Variants in SLC39A9 observed in about 807,000 individuals in gnomAD.
SLC39A9 encodes the protein zinc transporter ZIP9.
A neutral mutation model predicts 28.4 loss-of-function variants in SLC39A9; 14 were observed. The ratio of observed to expected loss-of-function variants is 0.49; its 90% CI spans 0.33 to 0.77. SLC39A9 has a LOEUF of 0.77. SLC39A9 is among the 30% of genes least tolerant of loss of function. SLC39A9 has a pLI of 0.02. For missense variants in SLC39A9, 283 were observed against 381.1 expected (o/e 0.74, Z 2.14); for synonymous variants, 119 against 149.6 (o/e 0.80, Z 1.49).
chr14:69,413,149 G>A (rs907776687), intron 1 of SLC39A9, among the ~76,000 whole-genome samples: 1 of 152,176 alleles, frequency 6.6e-6, no homozygotes, highest in African/African-American at 2.4e-5. Flanking sequence ...AAGGTCAGGA[G>A]ATCGAGACCA....
At chr14:69,421,119 G>A (rs757947815) in intron 1 of SLC39A9, among the ~76,000 whole-genome samples, 1 of 152,212 alleles carries the variant, frequency 6.6e-6, no homozygotes, top group Non-Finnish European at 1.5e-5. Context: ...GTTTCTCCCT[G>A]TATTTGTGGT....
At position 69,460,243 on chromosome 14, in the gene SLC39A9, A is replaced by T. The variant is rs1167224407; in HGVS notation, c.*1650A>T. ...TGACGCATAAGCTAGCATGCCTATG[A>T]TTTATTTCCTTCATGAATTTGTCAC... On this transcript the variant is annotated 3_prime_UTR_variant, in exon 7 of 7. Coordinates refer to ENST00000336643, the MANE Select transcript of SLC39A9 (RefSeq NM_018375.5). 2.0e-6 allele frequency: 2 copies of T among 985,744 alleles called. No homozygotes were observed. Among genetic ancestry groups the T allele is most frequent in the Non-Finnish European group, 2.4e-6 (2 of 829,946 alleles). The allele number at this position is 985,744 out of a possible 1,614,324, so 61.1% of individuals were successfully genotyped here.
chr14:69,403,536 C>T (rs866351808), intron 1 of SLC39A9, among the ~76,000 whole-genome samples: 1 of 152,000 alleles, frequency 6.6e-6, no homozygotes, highest in East Asian at 1.9e-4. Flanking sequence ...CATACCAATA[C>T]ACTTATAAAA....
Position 69,461,444 on chromosome 14 carries a change from A to G in SLC39A9, c.*2851A>G. On this transcript the variant is annotated 3_prime_UTR_variant, in exon 7 of 7. Transcript: ENST00000336643. ...TTTTTTAGCAAAGATTCTGCACTGGAACGTAGACAGTTGGAAACAGTACTA... is the reference window on the plus strand; with the variant it reads ...TTTTTTAGCAAAGATTCTGCACTGGGACGTAGACAGTTGGAAACAGTACTA... The G allele has an allele frequency of 7.5e-7, 1 of 1,338,654 alleles. No individual in the cohort carries two copies. Among genetic ancestry groups the G allele is most frequent in the Non-Finnish European group, 9.6e-7 (1 of 1,040,290 alleles). 82.9% of individuals were successfully genotyped at this position (1,338,654 alleles called of 1,614,324 possible). A position where few individuals can be genotyped will look rare whatever the true frequency, so the allele number is the denominator to read the frequency against.
In SLC39A9 at chr14:69,452,960, A is replaced by C. The variant is rs139602443; in HGVS notation, c.404-281A>C. On this transcript the variant is annotated intron_variant, in intron 3 of 6. Coordinates refer to ENST00000336643, the MANE Select transcript of SLC39A9 (RefSeq NM_018375.5). ...ACACATTTCAGTGATTTTTCTGTTA[A>C]GGTAGGGCTGAGTCAAATGAAGAGT... is the stretch of plus-strand genomic sequence containing the variant. Among the ~76,000 whole-genome samples, 328 of 152,268 alleles carry C rather than the reference A, an allele frequency of 2.2e-3. 1 individual carries two copies. The highest frequency in any genetic ancestry group is 7.4e-3 in the African/African-American group (309 of 41,566).
At chr14:69,454,362 C>T (rs917539303) in intron 4 of SLC39A9, among the ~76,000 whole-genome samples, 22 of 152,154 alleles carry the variant, frequency 1.4e-4, no homozygotes, top group Non-Finnish European at 1.3e-4. Context: ...CTCCACCTCC[C>T]GGGTTTAAGC....
chr14:69,458,708 A>G lies in SLC39A9; in HGVS notation c.*115A>G. On this transcript the variant is annotated 3_prime_UTR_variant, in exon 7 of 7. Coordinates refer to ENST00000336643, the MANE Select transcript of SLC39A9 (RefSeq NM_018375.5). ...TCTCACCTTGCGCATCTCTACATGT[A>G]TTCCTAGAGTCCAGAGGGGAGGTGA... 6 of 1,434,956 alleles carry G rather than the reference A, an allele frequency of 4.2e-6. No individual in the cohort carries two copies. The highest frequency in any genetic ancestry group is 5.5e-6 in the Non-Finnish European group (6 of 1,095,556). The allele number at this position is 1,434,956 out of a possible 1,614,324, so 88.9% of individuals were successfully genotyped here. A position where few individuals can be genotyped will look rare whatever the true frequency, so the allele number is the denominator to read the frequency against.
At chr14:69,430,060 C>T (rs1400231683) in intron 2 of SLC39A9, among the ~76,000 whole-genome samples, 1 of 152,106 alleles carries the variant, frequency 6.6e-6, no homozygotes, top group Admixed American at 6.5e-5. Context: ...TTCCTTATTA[C>T]TGAGTTTTGA....
At chr14:69,425,347 G>T (rs1427398745) in intron 2 of SLC39A9, among the ~76,000 whole-genome samples, 1 of 152,010 alleles carries the variant, frequency 6.6e-6, no homozygotes, top group Non-Finnish European at 1.5e-5. Flanking sequence ...AATTTTTCTG[G>T]GATGTGATTC....
intron 2 of SLC39A9, among the ~76,000 whole-genome samples, chr14:69,430,682 G>A (rs1383624136): frequency 9.5e-5 from 14 of 148,102 alleles, no homozygotes; most frequent in Admixed American, 9.4e-4. Context: ...AGGCTGGAGT[G>A]TGCAGTGGCA....
intron 1 of SLC39A9, among the ~76,000 whole-genome samples, chr14:69,402,508 A>G (rs1882693578): frequency 6.6e-6 from 1 of 152,166 alleles, no homozygotes; most frequent in Non-Finnish European, 1.5e-5. Flanking sequence ...AGGTAGTCTG[A>G]AATTGCAGTA....
At chr14:69,400,379 C>T (rs564534384) in intron 1 of SLC39A9, among the ~76,000 whole-genome samples, 3 of 152,068 alleles carry the variant, frequency 2.0e-5, no homozygotes, top group South Asian at 2.1e-4. Flanking sequence ...GCGAGGGTCC[C>T]GGGAAGAGGG....
chr14:69,412,258 G>A (rs975361410), intron 1 of SLC39A9, among the ~76,000 whole-genome samples: 17 of 151,522 alleles, frequency 1.1e-4, no homozygotes, highest in Admixed American at 3.9e-4. Flanking sequence ...GCATGGTGGC[G>A]GGCGCCTATA....
chr14:69,430,310 A>G (rs1215956927), intron 2 of SLC39A9, among the ~76,000 whole-genome samples: 1 of 152,144 alleles, frequency 6.6e-6, no homozygotes, highest in Non-Finnish European at 1.5e-5. Flanking sequence ...TTCTTCTAGA[A>G]CTTTTATGAT....
chr14:69,426,850 G>A (rs1351197568), intron 2 of SLC39A9, among the ~76,000 whole-genome samples: 2 of 152,074 alleles, frequency 1.3e-5, no homozygotes, highest in African/African-American at 2.4e-5. Flanking sequence ...GTTTGTGTGT[G>A]TGTGTATATG....
At chr14:69,405,939 A>G (rs1366679160) in intron 1 of SLC39A9, among the ~76,000 whole-genome samples, 1 of 152,218 alleles carries the variant, frequency 6.6e-6, no homozygotes, top group Non-Finnish European at 1.5e-5. Flanking sequence ...GTTAAACCTC[A>G]CTTTACAAAT....
At chr14:69,454,043 G>A (rs1269285676) in intron 4 of SLC39A9, among the ~76,000 whole-genome samples, 1 of 152,206 alleles carries the variant, frequency 6.6e-6, no homozygotes, top group Non-Finnish European at 1.5e-5. Context: ...GGTATGCAGT[G>A]GAATGCAGAG....
Position 69,460,385 on chromosome 14 carries a change from C to T in SLC39A9, c.*1792C>T. ...TTGGCAACAATTGCATACAATTTTA[C>T]TACCAAGAGAAGGTATAGTATGGAA... On this transcript the variant is annotated 3_prime_UTR_variant, in exon 7 of 7. Coordinates refer to ENST00000336643, the MANE Select transcript of SLC39A9 (RefSeq NM_018375.5). 3.0e-6 allele frequency: 3 copies of T among 985,474 alleles called. No homozygotes were observed. Among genetic ancestry groups the T allele is most frequent in the Non-Finnish European group, 3.6e-6 (3 of 829,948 alleles). 61.0% of individuals were successfully genotyped at this position (985,474 alleles called of 1,614,324 possible). A position where few individuals can be genotyped will look rare whatever the true frequency, so the allele number is the denominator to read the frequency against.
Position 69,424,171 on chromosome 14 carries a change from A to G in SLC39A9, c.174A>G (p.Gly58=). The G allele has an allele frequency of 1.2e-6, 2 of 1,613,718 alleles. No homozygotes were observed. The highest frequency in any genetic ancestry group is 1.7e-6 in the Non-Finnish European group (2 of 1,179,672). ...GTALAVIVPE[G]VHALYEDILE... is the part of the protein sequence containing the mutation. ...CTCTGGCAGTCATCGTGCCTGAAGGAGTACATGCCCTTTATGAAGATATTC... is the reference window on the plus strand; with the variant it reads ...CTCTGGCAGTCATCGTGCCTGAAGGGGTACATGCCCTTTATGAAGATATTC... The change falls in exon 2 of 7, where the codon GGA becomes GGG. Residue 58 remains glycine (G), a synonymous_variant. Transcript: ENST00000336643.
Sources: allele counts gnomAD v4.1 joint callset (sites outside exome capture counted in the v4.1 genomes callset), GRCh38; gene constraint gnomAD v4.1.1; transcripts MANE v1.5; gene names NCBI Gene and HGNC (gene_info 2026-07-23, HGNC 2026-07-21).